Variants in ATP6V0A2 observed in about 807,000 individuals in gnomAD.
ATP6V0A2 encodes V-type proton ATPase 116 kDa subunit a 2.
A neutral mutation model predicts 104.4 loss-of-function variants in ATP6V0A2; 58 were observed. The ratio of observed to expected loss-of-function variants is 0.56; its 90% CI spans 0.45 to 0.69. The LOEUF is 0.69. Among genes scored for constraint, ATP6V0A2 ranks in the 30% least tolerant of loss-of-function variants. ATP6V0A2 has a pLI of 0.00. For synonymous variants in ATP6V0A2, 376 were observed against 397.9 expected (o/e 0.95, Z 0.65); for missense variants, 938 against 1,062.9 (o/e 0.88, Z 1.63).
intron 9 of ATP6V0A2, chr12:123,737,545 A>G (rs1956567527): frequency 2.4e-6 from 1 of 425,354 alleles, no homozygotes. Flanking sequence ...CACTGTGCCC[A>G]GCCTTGGCTC....
At chr12:123,739,781 AT>A (rs1295939624) in intron 9 of ATP6V0A2, among the ~76,000 whole-genome samples, 1 of 151,930 alleles carries the variant, frequency 6.6e-6, no homozygotes, top group East Asian at 1.9e-4. Context: ...TTCTGGGCTC[AT>A]TTTTTTCCCC....
At chr12:123,752,990 A>G (rs1366787324) in intron 17 of ATP6V0A2, among the ~76,000 whole-genome samples, 1 of 152,146 alleles carries the variant, frequency 6.6e-6, no homozygotes, top group Non-Finnish European at 1.5e-5. Context: ...CCAGCTTGTT[A>G]CTATTAGGAA....
chr12:123,726,180 C>G lies in ATP6V0A2; in HGVS notation c.433-17C>G. 6.4e-7 allele frequency: 1 copy of G among 1,569,578 alleles called. No individual in the cohort carries two copies. The highest frequency in any genetic ancestry group is 8.8e-7 in the Non-Finnish European group (1 of 1,139,786). On this transcript the variant is annotated splice_polypyrimidine_tract_variant and intron_variant, in intron 4 of 19. Transcript: ENST00000330342. ...ACTTTTAATGAGACACACTTGGTTT[C>G]ATATGTTTATTTCTAGTTTGAACCC...
intron 9 of ATP6V0A2, among the ~76,000 whole-genome samples, chr12:123,742,836 TAA>T (rs55952758): frequency 1.4e-5 from 2 of 143,150 alleles, no homozygotes; most frequent in Non-Finnish European, 1.5e-5. Context: ...ACTCCTTCTT[TAA>T]AAAAAAAAAA....
chr12:123,756,774 C>T, intron 18 of ATP6V0A2, 41 bp from the exon 19 acceptor site: 1 of 1,611,110 alleles, frequency 6.2e-7, no homozygotes, highest in Non-Finnish European at 8.5e-7. Context: ...ACCCACTGTA[C>T]ATAAGCGAGC....
chr12:123,718,445 T>G (rs1441625556), intron 1 of ATP6V0A2, among the ~76,000 whole-genome samples, 178 bp from the exon 2 acceptor site: 1 of 152,126 alleles, frequency 6.6e-6, no homozygotes, highest in East Asian at 1.9e-4. Flanking sequence ...GGCTGGATTT[T>G]CAGGCTTTTT....
At chr12:123,742,498 C>T (rs1956619089) in intron 9 of ATP6V0A2, among the ~76,000 whole-genome samples, 1 of 152,152 alleles carries the variant, frequency 6.6e-6, no homozygotes, top group African/African-American at 2.4e-5. Context: ...AGCTGTGCCA[C>T]CCTCGAGAAT....
chr12:123,717,521 T>C (rs753697420), intron 1 of ATP6V0A2, among the ~76,000 whole-genome samples: 13 of 151,238 alleles, frequency 8.6e-5, no homozygotes, highest in Non-Finnish European at 1.6e-4. Flanking sequence ...CACTGCTCAC[T>C]GCAATCTCGA....
intron 17 of ATP6V0A2, among the ~76,000 whole-genome samples, chr12:123,752,757 T>G (rs1173704324): frequency 6.6e-6 from 1 of 152,174 alleles, no homozygotes; most frequent in East Asian, 1.9e-4. Context: ...TTTTTCTGAT[T>G]GCGAAGGGAT....
At chr12:123,750,817 A>G (rs1191318607) in intron 15 of ATP6V0A2, 2 of 416,262 alleles carry the variant, frequency 4.8e-6, no homozygotes, top group Admixed American at 7.1e-5. Context: ...TACAGTGTTT[A>G]CAGAAAATGA....
Position 123,726,290 on chromosome 12 carries a change from G to T in ATP6V0A2, c.521+5G>T. 6.2e-7 allele frequency: 1 copy of T among 1,610,480 alleles called. No homozygotes were observed. Among genetic ancestry groups the T allele is most frequent in the East Asian group, 2.2e-5 (1 of 44,870 alleles). On this transcript the variant is annotated splice_donor_5th_base_variant and intron_variant, in intron 5 of 19. Transcript: ENST00000330342. ...GAGGCTGGGAGCAAAACTGGGGTAG[G>T]TGACAAGGCCTGGGGTGTCAGGCTT...
chr12:123,741,447 A>G (rs1335537202), intron 9 of ATP6V0A2, among the ~76,000 whole-genome samples: 1 of 151,832 alleles, frequency 6.6e-6, no homozygotes, highest in Non-Finnish European at 1.5e-5. Flanking sequence ...AAGGAAATTC[A>G]TTTTTTAGAC....
At chr12:123,727,419 TGGGTGCCTGCCACCACGCCTGGC>T (rs1956458704) in intron 5 of ATP6V0A2, among the ~76,000 whole-genome samples, 1 of 151,906 alleles carries the variant, frequency 6.6e-6, no homozygotes, top group East Asian at 1.9e-4. Flanking sequence ...GCTGGGATTA[TGGGTGCCTGCCACCACGCCTGGC>T]TAATTTTTGT....
intron 2 of ATP6V0A2, among the ~76,000 whole-genome samples, chr12:123,722,087 CTATT>C (rs529948287): frequency 3.3e-5 from 5 of 152,054 alleles, no homozygotes; most frequent in African/African-American, 7.2e-5. Context: ...GTTGTTCATT[CTATT>C]TATTTATTTT....
intron 18 of ATP6V0A2, among the ~76,000 whole-genome samples, chr12:123,755,132 C>G (rs1385743875): frequency 6.6e-6 from 1 of 152,172 alleles, no homozygotes; most frequent in East Asian, 1.9e-4. Context: ...CTACGTGCGG[C>G]AGGTGTCGTG....
intron 13 of ATP6V0A2, among the ~76,000 whole-genome samples, chr12:123,747,358 C>T (rs1349556432): frequency 6.6e-6 from 1 of 152,172 alleles, no homozygotes; most frequent in Non-Finnish European, 1.5e-5. Flanking sequence ...AGGCACATCT[C>T]CCTAAACGCT....
At chr12:123,747,893 A>G (rs1412549799) in intron 14 of ATP6V0A2, among the ~76,000 whole-genome samples, 168 bp downstream of exon 14, 1 of 152,186 alleles carries the variant, frequency 6.6e-6, no homozygotes, top group Non-Finnish European at 1.5e-5. Context: ...TCAGCAATTC[A>G]TTCAGCAAAT....
chr12:123,735,165 GTC>G (rs1555297417), intron 7 of ATP6V0A2, among the ~76,000 whole-genome samples: 6 of 117,722 alleles, frequency 5.1e-5, no homozygotes, highest in African/African-American at 1.8e-4. Flanking sequence ...GTGTGTGTGT[GTC>G]TGTGTGTGTC....
chr12:123,752,552 C>A, intron 17 of ATP6V0A2, 150 bp downstream of exon 17: 1 of 945,924 alleles, frequency 1.1e-6, no homozygotes, highest in Non-Finnish European at 1.6e-6. Context: ...CAGCGCTTTC[C>A]AAATGCTGTT....
Sources: gnomAD v4.1 joint callset for allele counts (sites outside exome capture counted in the v4.1 genomes callset) on GRCh38, gnomAD v4.1.1 for gene constraint, MANE v1.5 for transcripts, NCBI Gene and HGNC (gene_info 2026-07-23, HGNC 2026-07-21) for gene names.